Variants in GRM8 observed in about 807,000 individuals in gnomAD.
GRM8 encodes metabotropic glutamate receptor 8.
A neutral mutation model predicts 87.2 loss-of-function variants in GRM8; 47 were observed. The ratio of observed to expected loss-of-function variants is 0.54; its 90% CI spans 0.43 to 0.69. The LOEUF is 0.69. Ranked by LOEUF, GRM8 falls within the 30% of genes least tolerant of loss-of-function variation. GRM8 has a pLI of 0.00. For synonymous variants in GRM8, 396 were observed against 404.5 expected (o/e 0.98, Z 0.25); for missense variants, 1,019 against 1,139.2 (o/e 0.89, Z 1.52).
intron 2 of GRM8, among the ~76,000 whole-genome samples, chr7:127,235,186 A>G (rs1006151902): frequency 2.0e-5 from 3 of 152,252 alleles, no homozygotes; most frequent in Non-Finnish European, 4.4e-5. Flanking sequence ...CACTAAAAGC[A>G]CGCTCTTAAG....
intron 6 of GRM8, among the ~76,000 whole-genome samples, chr7:126,806,821 C>T (rs1303723121): frequency 1.3e-5 from 2 of 152,192 alleles, no homozygotes; most frequent in Non-Finnish European, 2.9e-5. Context: ...GCGGAGCCCG[C>T]GCCTACCCGG....
Position 126,533,327 on chromosome 7 carries a change from T to G in GRM8, c.2055A>C (p.Thr685=). The G allele has an allele frequency of 6.2e-7, 1 of 1,613,816 alleles. No individual in the cohort carries two copies. Among genetic ancestry groups the G allele is most frequent in the South Asian group, 1.1e-5 (1 of 91,068 alleles). The change falls in exon 9 of 11, where the codon ACA becomes ACC. Residue 685 remains threonine (T), a synonymous_variant. Coordinates refer to ENST00000339582, the MANE Select transcript of GRM8 (RefSeq NM_000845.3). ...ATGCTGGACTAATGAACTTGGGCGCTGTGACAGATTTCTTCCCCTGCTCAA... is the reference window on the plus strand; with the variant it reads ...ATGCTGGACTAATGAACTTGGGCGCGGTGACAGATTTCTTCCCCTGCTCAA... ...RIFEQGKKSV[T]APKFISPASQ... is the part of the protein sequence containing the mutation.
intron 8 of GRM8, among the ~76,000 whole-genome samples, chr7:126,571,502 G>C (rs1247636322): frequency 6.6e-6 from 1 of 152,144 alleles, no homozygotes; most frequent in Non-Finnish European, 1.5e-5. Flanking sequence ...AGAAACCAGA[G>C]GGCTCTTCTT....
intron 3 of GRM8, among the ~76,000 whole-genome samples, chr7:127,091,171 C>A: frequency 6.6e-6 from 1 of 152,074 alleles, no homozygotes; most frequent in South Asian, 2.1e-4. Context: ...TCCCTGAATT[C>A]TACTTGGCCC....
chr7:126,783,992 A>C (rs1370088321), intron 6 of GRM8, among the ~76,000 whole-genome samples: 3 of 152,228 alleles, frequency 2.0e-5, no homozygotes, highest in Non-Finnish European at 2.9e-5. Context: ...CCTTACAATA[A>C]GAAGGGAGTG....
chr7:126,642,076 A>G (rs537676872), intron 7 of GRM8, among the ~76,000 whole-genome samples: 1 of 152,310 alleles, frequency 6.6e-6, no homozygotes, highest in South Asian at 2.1e-4. Flanking sequence ...CGTCTGTCAT[A>G]AAGGGTCAGC....
chr7:126,618,603 G>T (rs1799780064), intron 7 of GRM8, among the ~76,000 whole-genome samples: 1 of 152,010 alleles, frequency 6.6e-6, no homozygotes, highest in Admixed American at 6.6e-5. Context: ...CTACAGAAGG[G>T]GAGAAAATTT....
intron 9 of GRM8, among the ~76,000 whole-genome samples, chr7:126,524,940 T>C (rs1168944719): frequency 6.6e-6 from 1 of 152,210 alleles, no homozygotes; most frequent in African/African-American, 2.4e-5. Flanking sequence ...TTAAGAACAT[T>C]TTCTTATATT....
chr7:126,606,366 A>G lies in GRM8; in HGVS notation c.1494+2996T>C, dbSNP rs1186950718. ...CATTTATAGATCTCAGGTGTACCAA[A>G]CACTGGGCAAAGGGCTTTGTTGTAT... is the stretch of plus-strand genomic sequence containing the variant. On this transcript the variant is annotated intron_variant, in intron 8 of 10. Coordinates refer to ENST00000339582, the MANE Select transcript of GRM8 (RefSeq NM_000845.3). Among the ~76,000 whole-genome samples the G allele has an allele frequency of 2.0e-5, 3 of 152,222 alleles. No individual in the cohort carries two copies. In the East Asian group the frequency reaches 5.8e-4, roughly 29 times the overall value.
intron 3 of GRM8, among the ~76,000 whole-genome samples, chr7:127,085,121 G>A (rs1325104079): frequency 2.0e-5 from 3 of 152,156 alleles, no homozygotes; most frequent in Non-Finnish European, 2.9e-5. Flanking sequence ...CTTCATCCAC[G>A]TCCCTGCAAA....
rs184470335 is a variant in GRM8 at position 126,936,756 on chromosome 7, G to A, written c.728-32073C>T. On this transcript the variant is annotated intron_variant, in intron 3 of 10. Coordinates refer to ENST00000339582, the MANE Select transcript of GRM8 (RefSeq NM_000845.3). The stretch of plus-strand genomic sequence containing the variant: ...AGTGCTGCAGCTGAGAGCAACCCCC[G>A]GGGACTCAGCAGAGTAACAAACAGA... 2.6e-3 allele frequency among the ~76,000 whole-genome samples: 397 copies of A among 152,190 alleles called. 1 individual carries two copies. The highest frequency in any genetic ancestry group is 4.7e-3 in the African/African-American group (194 of 41,502).
rs188690547 is a variant in GRM8, at chr7:126,894,566, T to C, written c.1156+7976A>G. 1.4e-4 allele frequency among the ~76,000 whole-genome samples: 21 copies of C among 152,130 alleles called. No individual in the cohort carries two copies. The East Asian group carries it at 3.5e-3, about 25-fold the overall frequency. ...TACGTACTCGAAATTTTAACTAGAA[T>C]TGCTTCCCTTCTAAAAATGTTAGTT... On this transcript the variant is annotated intron_variant, in intron 6 of 10. Transcript: ENST00000339582.
chr7:127,206,227 G>T (rs971838188), intron 2 of GRM8, among the ~76,000 whole-genome samples: 2 of 152,220 alleles, frequency 1.3e-5, no homozygotes, highest in Non-Finnish European at 2.9e-5. Context: ...AATGTGCTTT[G>T]CGATTCCTTG....
At chr7:127,027,949 T>A (rs1816956617) in intron 3 of GRM8, among the ~76,000 whole-genome samples, 2 of 152,212 alleles carry the variant, frequency 1.3e-5, no homozygotes, top group South Asian at 4.1e-4. Flanking sequence ...GCCCATTCAC[T>A]ACAATATTGG....
intron 3 of GRM8, among the ~76,000 whole-genome samples, chr7:127,041,484 G>A (rs1205912911): frequency 2.6e-5 from 4 of 152,136 alleles, no homozygotes; most frequent in Admixed American, 6.5e-5. Context: ...ATGATCAGAC[G>A]CTATGCTATT....
intron 3 of GRM8, among the ~76,000 whole-genome samples, chr7:127,016,621 T>G (rs1406305606): frequency 6.6e-6 from 1 of 152,064 alleles, no homozygotes; most frequent in Non-Finnish European, 1.5e-5. Context: ...AAATGTATCA[T>G]AAACCATTGC....
chr7:126,573,664 A>C (rs1253005857), intron 8 of GRM8, among the ~76,000 whole-genome samples: 2 of 151,570 alleles, frequency 1.3e-5, no homozygotes, highest in Non-Finnish European at 2.9e-5. Flanking sequence ...GGCTCATTGC[A>C]ACGTCCGCCT....
chr7:126,902,238 T>C (rs1038358137), intron 6 of GRM8, among the ~76,000 whole-genome samples: 1 of 152,202 alleles, frequency 6.6e-6, no homozygotes, highest in Non-Finnish European at 1.5e-5. Flanking sequence ...CTTATTTGTC[T>C]GTATTCCATC....
intron 7 of GRM8, among the ~76,000 whole-genome samples, chr7:126,761,177 G>A (rs569016691): frequency 7.3e-5 from 11 of 151,420 alleles, no homozygotes; most frequent in Admixed American, 1.3e-4. Flanking sequence ...CAGCCTGGGT[G>A]ACAAAGCGAG....
Sources: allele counts gnomAD v4.1 joint callset (sites outside exome capture counted in the v4.1 genomes callset), GRCh38; gene constraint gnomAD v4.1.1; transcripts MANE v1.5; gene names NCBI Gene and HGNC (gene_info 2026-07-23, HGNC 2026-07-21).